The following KIDINS220 variants were observed in gnomAD, a reference collection of about 807,000 sequenced individuals.
KIDINS220 encodes kinase D-interacting substrate of 220 kDa.
Under a neutral mutation model 157.6 loss-of-function variants are expected in KIDINS220, and 63 were observed. The observed-to-expected ratio is 0.40, with a 90% confidence interval of 0.33 to 0.49. The LOEUF is 0.49. Among genes scored for constraint, KIDINS220 ranks in the 20% least tolerant of loss-of-function variants. The probability of loss-of-function intolerance (pLI) is 0.66; values close to 1 mark genes in which losing one functional copy is unlikely to be tolerated. For missense variants in KIDINS220, 1,772 were observed against 2,171.2 expected (o/e 0.82, Z 3.65); for synonymous variants, 732 against 783.6 (o/e 0.93, Z 1.10).
chr2:8,830,454 T>A (rs7577160), intron 1 of KIDINS220, among the ~76,000 whole-genome samples: 23,924 of 152,160 alleles, frequency 0.16, 2,083 homozygotes, highest in Middle Eastern at 0.26. Context: ...GGTCTCACTC[T>A]GTCACTCAGA....
intron 22 of KIDINS220, among the ~76,000 whole-genome samples, chr2:8,763,396 C>T (rs910608837): frequency 6.6e-6 from 1 of 152,168 alleles, no homozygotes; most frequent in Non-Finnish European, 1.5e-5. Flanking sequence ...CCAAATGCTC[C>T]AGTGAGCATT....
At chr2:8,742,240 G>A (rs1665728733) in intron 26 of KIDINS220, among the ~76,000 whole-genome samples, 1 of 151,308 alleles carries the variant, frequency 6.6e-6, no homozygotes, top group African/African-American at 2.4e-5. Context: ...GACTTCAGGT[G>A]TGCGCTACCA....
chr2:8,733,304 G>A (rs1250607927), intron 29 of KIDINS220, 140 bp downstream of exon 29: 3 of 733,818 alleles, frequency 4.1e-6, no homozygotes, highest in Non-Finnish European at 4.5e-6. Flanking sequence ...TGAGTACAGG[G>A]AGCCCTCCAT....
At chr2:8,747,356 T>C in intron 25 of KIDINS220, 155 bp from the exon 26 acceptor site, 1 of 633,028 alleles carries the variant, frequency 1.6e-6, no homozygotes, top group Non-Finnish European at 2.8e-6. Flanking sequence ...TAATAGAGAG[T>C]TTCTTTTTTT....
At chr2:8,724,805 T>C (rs1663173062), downstream of KIDINS220, 1 of 152,160 alleles carries the variant, frequency 6.6e-6, no homozygotes, top group Non-Finnish European at 1.5e-5. This position sits in a 1 kb window ranked among gnomAD's most constrained non-coding sequence, Gnocchi z 4.6. Context: ...TTTTTTATTT[T>C]TATTTTTGTA....
At chr2:8,752,080 G>A (rs1397861475) in intron 22 of KIDINS220, among the ~76,000 whole-genome samples, 2 of 151,552 alleles carry the variant, frequency 1.3e-5, no homozygotes, top group African/African-American at 2.4e-5. Context: ...GAGTGCAGTG[G>A]TGCAGTCTTG....
downstream of KIDINS220, chr2:8,726,864 T>TA (rs1663374354): frequency 3.2e-6 from 4 of 1,265,086 alleles, no homozygotes; most frequent in Admixed American, 2.3e-5. Flanking sequence ...GCAGCTGACT[T>TA]CGAAAACTAA....
chr2:8,734,232 G>A (rs897902583), intron 28 of KIDINS220, among the ~76,000 whole-genome samples: 5 of 152,164 alleles, frequency 3.3e-5, no homozygotes, highest in Non-Finnish European at 7.3e-5. Flanking sequence ...GGGGGTTAGT[G>A]AGGCGTTTGA....
In KIDINS220 at chr2:8,731,409, T is replaced by C. The variant is rs1664075419; in HGVS notation, c.4627A>G (p.Arg1543Gly). The change falls in exon 30 of 30, where the codon AGA becomes GGA. Residue 1543 changes from arginine to glycine, a missense_variant. Coordinates refer to ENST00000256707, the MANE Select transcript of KIDINS220 (RefSeq NM_020738.4). This position sits in a 1 kb window ranked among gnomAD's most constrained non-coding sequence, Gnocchi z 5.2. The part of the protein sequence containing the change: ...NTPLLKDDKD[R>G]KAEGKVERVP... ...CTCTCTACTTTCCCTTCGGCTTTTC[T>C]GTCTTTGTCATCTTTGAGCAGTGGA... The C allele has an allele frequency of 1.2e-6, 2 of 1,614,108 alleles. No homozygotes were observed. The highest frequency in any genetic ancestry group is 1.7e-6 in the Non-Finnish European group (2 of 1,180,044).
chr2:8,813,939 T>A (rs4668593), intron 4 of KIDINS220, among the ~76,000 whole-genome samples: 149,144 of 152,322 alleles, frequency 0.98, 73,030 homozygotes, highest in Middle Eastern at 0.99. Flanking sequence ...AAAAAAAATT[T>A]AAAAAATAAA....
chr2:8,750,097 C>A lies in KIDINS220; in HGVS notation c.3414+15G>T. On this transcript the variant is annotated intron_variant, in intron 24 of 29. Coordinates refer to ENST00000256707, the MANE Select transcript of KIDINS220 (RefSeq NM_020738.4). ...AACAAATTCTTAAAAATAAAGCTGCCTCCAACTTCCTTACCCTGTTGTAGA... is the reference window on the plus strand; with the variant it reads ...AACAAATTCTTAAAAATAAAGCTGCATCCAACTTCCTTACCCTGTTGTAGA... 1 of 1,602,860 alleles carries A rather than the reference C, an allele frequency of 6.2e-7. No homozygotes were observed. The highest frequency in any genetic ancestry group is 2.2e-5 in the East Asian group (1 of 44,732).
chr2:8,737,939 C>T (rs566446695), intron 26 of KIDINS220, among the ~76,000 whole-genome samples: 1 of 152,224 alleles, frequency 6.6e-6, no homozygotes, highest in Non-Finnish European at 1.5e-5. Context: ...TCAAGGTCCA[C>T]CATGTCATAA....
chr2:8,749,363 C>A (rs967376508), intron 24 of KIDINS220: 1 of 452,380 alleles, frequency 2.2e-6, no homozygotes, highest in Non-Finnish European at 4.4e-6. Flanking sequence ...TAAGAAATTG[C>A]AATGCACCTT....
intron 26 of KIDINS220, among the ~76,000 whole-genome samples, chr2:8,743,880 C>T (rs1376142793): frequency 6.6e-6 from 1 of 152,014 alleles, no homozygotes; most frequent in Non-Finnish European, 1.5e-5. Flanking sequence ...AAACACTGTT[C>T]CTTTCTAGCC....
intron 17 of KIDINS220, among the ~76,000 whole-genome samples, chr2:8,783,195 C>A (rs1297554929): frequency 3.0e-5 from 2 of 66,060 alleles, no homozygotes; most frequent in Admixed American, 1.8e-4. Context: ...AAAACTCCGT[C>A]TCAAAAAAAA....
At chr2:8,769,210 A>G (rs1278670290) in intron 22 of KIDINS220, among the ~76,000 whole-genome samples, 3 of 152,238 alleles carry the variant, frequency 2.0e-5, no homozygotes, top group African/African-American at 7.2e-5. Flanking sequence ...ACGTGAAGGA[A>G]GGAGGTCAGT....
rs193011717 is a variant in KIDINS220 at position 8,785,960 on chromosome 2, A to G, written c.2010T>C (p.Ile670=). The G allele has an allele frequency of 1.0e-4, 164 of 1,613,166 alleles. 1 individual carries two copies. Among genetic ancestry groups the G allele is most frequent in the Middle Eastern group, 8.3e-4 (5 of 6,058 alleles). The stretch of plus-strand genomic sequence containing the variant: ...TAGCCAGAAGAGTAATTCCAGATAT[A>G]ATGCAGCCAATGATAAAAAGGAAGA... ...FVIFLFIIGC[I]ISGITLLAIF... is the part of the protein sequence containing the mutation. The change falls in exon 17 of 30, where the codon ATT becomes ATC. Residue 670 remains isoleucine (I), a synonymous_variant. Transcript: ENST00000256707.
Position 8,788,758 on chromosome 2 carries a change from A to G in KIDINS220, c.1676T>C (p.Val559Ala), listed in dbSNP as rs766761176. Residue 559 changes from valine to alanine, a missense_variant, in exon 15 of 30, where the codon GTC becomes GCC. Transcript: ENST00000256707. ...ATGTCTTGCCAATCTAGTGCTGAGG[A>G]CCCAGGCCCAATTCCAACTCTCTCC... The part of the protein sequence containing the change: ...REGESWNWAW[V>A]LSTRLARHIG... The G allele has an allele frequency of 3.1e-6, 5 of 1,614,110 alleles. No individual in the cohort carries two copies. Among genetic ancestry groups the G allele is most frequent in the East Asian group, 2.2e-5 (1 of 44,882 alleles).
chr2:8,773,338 T>A (rs1670486981), intron 21 of KIDINS220, among the ~76,000 whole-genome samples: 1 of 152,214 alleles, frequency 6.6e-6, no homozygotes, highest in South Asian at 2.1e-4. Context: ...AAAATGTGTA[T>A]CTCAGTATCA....
Sources: gnomAD v4.1 joint callset for allele counts (sites outside exome capture counted in the v4.1 genomes callset) on GRCh38, gnomAD v4.1.1 for gene constraint, Gnocchi (gnomAD v3.1) non-coding constraint, MANE v1.5 for transcripts, NCBI Gene and HGNC (gene_info 2026-07-23, HGNC 2026-07-21) for gene names.